Variants in HLCS observed in about 807,000 individuals in gnomAD.
The protein encoded by HLCS is holocarboxylase synthetase, also known as biotin--protein ligase.
A neutral mutation model predicts 75.0 loss-of-function variants in HLCS; 53 were observed. The observed-to-expected ratio is 0.71, with a 90% confidence interval of 0.57 to 0.89. The LOEUF (loss-of-function observed/expected upper bound fraction) is 0.89, where lower values mean the gene tolerates loss of function less well. HLCS is among the 40% of genes least tolerant of loss of function. The probability of loss-of-function intolerance (pLI) is 0.00; values close to 1 mark genes in which losing one functional copy is unlikely to be tolerated. For synonymous variants in HLCS, 431 were observed against 428.6 expected, an observed-to-expected ratio of 1.01 and a Z score of -0.07; for missense variants, 966 against 1,074.0, an observed-to-expected ratio of 0.90 and a Z score of 1.41.
At chr21:36,755,025 A>AAAAT (rs1317145682) in intron 10 of HLCS, among the ~76,000 whole-genome samples, 4 of 152,228 alleles carry the variant, frequency 2.6e-5, no homozygotes, top group Admixed American at 6.5e-5. Context: ...ACACCAAATG[A>AAAAT]AAATATTTTC....
rs144598953 is a variant in HLCS at position 36,759,353 on chromosome 21, C to T, written c.2236+374G>A. 6.6e-5 allele frequency among the ~76,000 whole-genome samples: 10 copies of T among 152,264 alleles called. No homozygotes were observed. The East Asian group carries it at 9.6e-4, about 15-fold the overall frequency. On this transcript the variant is annotated intron_variant, in intron 9 of 10. Transcript: ENST00000674895. ...GCTCTTTCATGGCCCAGGAAGGTCA[C>T]GATAAGAATGCAAGACACCAGGAGA... is the stretch of plus-strand genomic sequence containing the variant.
chr21:36,800,126 A>C (rs2061153354), intron 6 of HLCS, among the ~76,000 whole-genome samples: 1 of 152,098 alleles, frequency 6.6e-6, no homozygotes, highest in Non-Finnish European at 1.5e-5. Flanking sequence ...GTGAGCTCAA[A>C]TGACCCCGCA....
At chr21:36,818,437 A>G (rs1355031564) in intron 6 of HLCS, among the ~76,000 whole-genome samples, 1 of 151,988 alleles carries the variant, frequency 6.6e-6, no homozygotes, top group Admixed American at 6.5e-5. Flanking sequence ...GTCTTAAAGA[A>G]CCCGCTTTTG....
chr21:36,929,663 A>C (rs2066549351), intron 5 of HLCS, among the ~76,000 whole-genome samples: 1 of 152,226 alleles, frequency 6.6e-6, no homozygotes. Flanking sequence ...CACAATGACT[A>C]TGAAACTGAT....
At chr21:36,940,974 G>A (rs1038705572) in intron 2 of HLCS, among the ~76,000 whole-genome samples, 1 of 152,198 alleles carries the variant, frequency 6.6e-6, no homozygotes, top group Admixed American at 6.5e-5. Context: ...CATTTTGGGA[G>A]GCCAAGGTGG....
At chr21:36,978,211 A>AG (rs2068995987) in intron 1 of HLCS, among the ~76,000 whole-genome samples, 3 of 152,172 alleles carry the variant, frequency 2.0e-5, no homozygotes. Flanking sequence ...AACTAAGAAT[A>AG]GGGGCCAAAC....
chr21:36,970,787 T>C (rs949085780), upstream of HLCS, among the ~76,000 whole-genome samples: 1 of 151,974 alleles, frequency 6.6e-6, no homozygotes, highest in Non-Finnish European at 1.5e-5. Context: ...GGTCAGGAGA[T>C]CGAGACCATC....
chr21:36,901,210 T>G (rs2017645415), intron 5 of HLCS, among the ~76,000 whole-genome samples: 1 of 152,036 alleles, frequency 6.6e-6, no homozygotes, highest in African/African-American at 2.4e-5. Flanking sequence ...GCCACTGCAT[T>G]CCAGCCTGAG....
chr21:36,941,672 C>A (rs896494104), intron 2 of HLCS, among the ~76,000 whole-genome samples: 1 of 152,150 alleles, frequency 6.6e-6, no homozygotes, highest in Admixed American at 6.5e-5. Context: ...GAGTTTGAGA[C>A]CAGCCTGACC....
chr21:36,894,488 G>A (rs144063308), intron 6 of HLCS, among the ~76,000 whole-genome samples: 7 of 152,200 alleles, frequency 4.6e-5, no homozygotes, highest in East Asian at 1.9e-4. Flanking sequence ...CTGCCTCCCC[G>A]CGCCAGGAAT....
At chr21:36,859,127 A>T (rs2063300525) in intron 6 of HLCS, among the ~76,000 whole-genome samples, 1 of 152,142 alleles carries the variant, frequency 6.6e-6, no homozygotes, top group Non-Finnish European at 1.5e-5. Flanking sequence ...AGTTCAAGCG[A>T]TTCTCCTGCC....
Position 36,754,325 on chromosome 21 carries a change from C to T in HLCS, c.2543G>A (p.Gly848Asp). The T allele has an allele frequency of 6.2e-7, 1 of 1,614,066 alleles. No individual in the cohort carries two copies. The highest frequency in any genetic ancestry group is 8.5e-7 in the Non-Finnish European group (1 of 1,179,994). Residue 848 changes from glycine to aspartate, a missense_variant, in exon 11 of 11, where the codon GGC (glycine) becomes GAC (aspartate). Physicochemically the swap from Gly to Asp is moderately conservative, Grantham distance 94. Transcript: ENST00000674895. ...CGGGTGCACAGTCACAACCTCGCCGCCCTCCTGGTGAACCTGGAGGAAGCC... is the reference window on the plus strand; with the variant it reads ...CGGGTGCACAGTCACAACCTCGCCGTCCTCCTGGTGAACCTGGAGGAAGCC... ...DSGFLQVHQE[G>D]GEVVTVHPDG...
intron 6 of HLCS, among the ~76,000 whole-genome samples, chr21:36,819,703 G>A (rs928704104): frequency 2.0e-5 from 3 of 152,074 alleles, no homozygotes; most frequent in African/African-American, 7.2e-5. Context: ...CTCAGAGAGG[G>A]CGAGTCAGGT....
At chr21:36,847,908 T>C (rs1465275692) in intron 6 of HLCS, among the ~76,000 whole-genome samples, 2 of 152,184 alleles carry the variant, frequency 1.3e-5, no homozygotes, top group Admixed American at 6.5e-5. Context: ...ACCTTTTGTT[T>C]ATTTACTTTT....
At chr21:36,805,833 G>A (rs2061345432) in intron 6 of HLCS, among the ~76,000 whole-genome samples, 1 of 152,198 alleles carries the variant, frequency 6.6e-6, no homozygotes, top group Admixed American at 6.5e-5. Context: ...TCCACTTCAT[G>A]AAGTAGGAGT....
intron 6 of HLCS, among the ~76,000 whole-genome samples, chr21:36,824,778 C>T (rs1428451338): frequency 6.6e-6 from 1 of 152,140 alleles, no homozygotes; most frequent in African/African-American, 2.4e-5. Context: ...ATGAAGAACA[C>T]GCCAACTTTC....
At chr21:36,966,852 A>T (rs1208186600), upstream of HLCS, among the ~76,000 whole-genome samples, 10 of 135,956 alleles carry the variant, frequency 7.4e-5, no homozygotes, top group African/African-American at 2.5e-4. Context: ...CGGCTGTGTG[A>T]TGGGGAGCTC....
At chr21:36,767,184 G>A in intron 7 of HLCS, 34 bp downstream of exon 7, 1 of 1,605,280 alleles carries the variant, frequency 6.2e-7, no homozygotes, top group Non-Finnish European at 8.5e-7. Flanking sequence ...TTAGAAAACA[G>A]AAGTAACAGC....
upstream of HLCS, among the ~76,000 whole-genome samples, chr21:36,971,160 G>A (rs1328326334): frequency 6.6e-6 from 1 of 152,094 alleles, no homozygotes; most frequent in African/African-American, 2.4e-5. Context: ...AGCATCAAAA[G>A]AATTTAAATT....
Sources: gnomAD v4.1 joint callset for allele counts (sites outside exome capture counted in the v4.1 genomes callset) on GRCh38, gnomAD v4.1.1 for gene constraint, MANE v1.5 for transcripts, NCBI Gene and HGNC (gene_info 2026-07-23, HGNC 2026-07-21) for gene names.